Variants in GLRA2 observed in about 807,000 individuals in gnomAD.
The protein encoded by GLRA2 is glycine receptor subunit alpha-2.
Under a neutral mutation model 31.6 loss-of-function variants are expected in GLRA2, and 11 were observed. The ratio of observed to expected loss-of-function variants is 0.35; its 90% CI spans 0.22 to 0.58. GLRA2 has a LOEUF of 0.58. Ranked by LOEUF, GLRA2 falls within the 20% of genes least tolerant of loss-of-function variation. The pLI, the probability that GLRA2 is intolerant of heterozygous loss-of-function variation, is 0.84. For synonymous variants in GLRA2, 132 were observed against 134.0 expected, an observed-to-expected ratio of 0.99 and a Z score of 0.10; for missense variants, 212 against 351.8, an observed-to-expected ratio of 0.60 and a Z score of 3.18.
At chrX:14,512,268 C>A in the GLRA2 span, among the ~76,000 whole-genome samples, 1 of 111,257 alleles carries the variant, frequency 9.0e-6, no homozygotes, top group Non-Finnish European at 1.9e-5. Flanking sequence ...AAGGGACATA[C>A]CTTAAGGTAA....
Position 14,731,628 on chromosome X carries a change from G to A in GLRA2, c.*1143G>A, listed in dbSNP as rs1330199906. The A allele has an allele frequency of 5.4e-5, 6 of 110,885 alleles. No individual in the cohort carries two copies. Among genetic ancestry groups the A allele is most frequent in the African/African-American group, 2.0e-4 (6 of 30,386 alleles). The allele number at this position is 110,885 out of a possible 1,213,427, so 9.1% of individuals were successfully genotyped here. A position where few individuals can be genotyped will look rare whatever the true frequency, so the allele number is the denominator to read the frequency against. Reference sequence around the variant, plus strand: ...ATTTTCATAACCCGTTGCCTTTTTGGTACCAGAGCTACGTGGTTTGAATTC... The same window carrying A: ...ATTTTCATAACCCGTTGCCTTTTTGATACCAGAGCTACGTGGTTTGAATTC... On this transcript the variant is annotated 3_prime_UTR_variant, in exon 9 of 9. Coordinates refer to ENST00000218075, the MANE Select transcript of GLRA2 (RefSeq NM_002063.4).
At chrX:14,656,423 GAATCCTCCA>G (rs1324170029) in intron 7 of GLRA2, among the ~76,000 whole-genome samples, 1 of 111,855 alleles carries the variant, frequency 8.9e-6, no homozygotes, top group Non-Finnish European at 1.9e-5. Flanking sequence ...TATGTTTTGT[GAATCCTCCA>G]AATCATCCTT....
At chrX:14,546,980 T>C (rs867119111) in intron 2 of GLRA2, among the ~76,000 whole-genome samples, 3 of 111,662 alleles carry the variant, frequency 2.7e-5, no homozygotes, top group South Asian at 3.7e-4. Context: ...CCAGAATAAA[T>C]TATCTGCTTC....
At chrX:14,552,969 A>G (rs972567160) in intron 2 of GLRA2, among the ~76,000 whole-genome samples, 2 of 112,165 alleles carry the variant, frequency 1.8e-5, no homozygotes, top group African/African-American at 6.5e-5. Flanking sequence ...ACTGTCTATT[A>G]TCATGAGCAC....
chrX:14,657,037 C>T (rs967760687), intron 7 of GLRA2, among the ~76,000 whole-genome samples: 1 of 111,519 alleles, frequency 9.0e-6, no homozygotes, highest in Non-Finnish European at 1.9e-5. Context: ...CAGACAGCCT[C>T]CAATAATAGA....
chrX:14,711,440 G>C (rs1433516637), intron 8 of GLRA2, among the ~76,000 whole-genome samples: 1 of 112,247 alleles, frequency 8.9e-6, no homozygotes, highest in African/African-American at 3.2e-5. Flanking sequence ...TTCACATAGA[G>C]CTGAGGCGGT....
chrX:14,654,699 T>C (rs2090923058), intron 7 of GLRA2, among the ~76,000 whole-genome samples: 1 of 111,914 alleles, frequency 8.9e-6, no homozygotes, highest in Non-Finnish European at 1.9e-5. Flanking sequence ...TTGAAGGACA[T>C]GGTAGCCTGG....
chrX:14,464,816 A>G, the GLRA2 span, among the ~76,000 whole-genome samples: 1 of 111,693 alleles, frequency 9.0e-6, no homozygotes, highest in African/African-American at 3.3e-5. Context: ...CGGCCTCCCA[A>G]AGTGCTGAGA....
At chrX:14,717,520 A>G (rs1330321889) in intron 8 of GLRA2, among the ~76,000 whole-genome samples, 1 of 110,974 alleles carries the variant, frequency 9.0e-6, no homozygotes, top group Non-Finnish European at 1.9e-5. Context: ...TTCATTCACA[A>G]TCTTTACCTG....
chrX:14,580,974 G>A (rs763142755), intron 3 of GLRA2, among the ~76,000 whole-genome samples: 51 of 111,858 alleles, frequency 4.6e-4, no homozygotes, highest in African/African-American at 1.6e-3. Context: ...TTTTATTGGT[G>A]TTCTGGTTTG....
At chrX:14,534,277 A>C (rs1431434608) in intron 2 of GLRA2, among the ~76,000 whole-genome samples, 2 of 108,423 alleles carry the variant, frequency 1.8e-5, no homozygotes, top group African/African-American at 6.7e-5. Context: ...TTAATGACTT[A>C]TAAAAAAGAA....
At chrX:14,653,847 G>A (rs751124037) in intron 7 of GLRA2, among the ~76,000 whole-genome samples, 1 of 112,441 alleles carries the variant, frequency 8.9e-6, no homozygotes, top group South Asian at 3.7e-4. Flanking sequence ...ATTGCCAGCT[G>A]GGCACAGTGG....
chrX:14,668,646 CAAGAG>C (rs776559265), intron 7 of GLRA2, among the ~76,000 whole-genome samples: 7 of 112,183 alleles, frequency 6.2e-5, no homozygotes, highest in Non-Finnish European at 1.1e-4. Context: ...TGGCAGCAGA[CAAGAG>C]AAGAGAGCTT....
At chrX:14,526,296 T>C (rs1290018617), upstream of GLRA2, among the ~76,000 whole-genome samples, 1 of 112,884 alleles carries the variant, frequency 8.9e-6, no homozygotes, top group Non-Finnish European at 1.9e-5. Context: ...CCAAACCATG[T>C]GGAACCTTTA....
chrX:14,513,624 CAAAAG>C, the GLRA2 span, among the ~76,000 whole-genome samples: 1 of 111,411 alleles, frequency 9.0e-6, no homozygotes, highest in Admixed American at 9.5e-5. Context: ...AGACAATTCT[CAAAAG>C]AAGATATACA....
At chrX:14,621,973 C>G (rs768532223) in intron 7 of GLRA2, among the ~76,000 whole-genome samples, 1 of 112,170 alleles carries the variant, frequency 8.9e-6, no homozygotes, top group South Asian at 3.7e-4. Flanking sequence ...TTTACAGTCC[C>G]AACAACAGTG....
In GLRA2 at chrX:14,730,891, T is replaced by C. The variant is rs997328072; in HGVS notation, c.*406T>C. ...AATTCTGGTACTGAAAAGTTAGCTATACACACACACACACACACACACACA... is the reference window on the plus strand; with the variant it reads ...AATTCTGGTACTGAAAAGTTAGCTACACACACACACACACACACACACACA... On this transcript the variant is annotated 3_prime_UTR_variant, in exon 9 of 9. Transcript: ENST00000218075. 2.7e-4 allele frequency: 26 copies of C among 97,820 alleles called. No homozygotes were observed. The highest frequency in any genetic ancestry group is 1.1e-3 in the African/African-American group (23 of 21,866). The allele number at this position is 97,820 out of a possible 1,213,427, so 8.1% of individuals were successfully genotyped here.
chrX:14,564,370 C>T (rs1261149144), intron 2 of GLRA2, among the ~76,000 whole-genome samples: 3 of 110,274 alleles, frequency 2.7e-5, no homozygotes, highest in African/African-American at 9.9e-5. Flanking sequence ...CAAAACTGTC[C>T]TCAACAAATG....
At chrX:14,468,023 G>A in the GLRA2 span, among the ~76,000 whole-genome samples, 1 of 111,580 alleles carries the variant, frequency 9.0e-6, no homozygotes, top group Non-Finnish European at 1.9e-5. Context: ...GTGCATCAAT[G>A]TTAGGTTGAC....
Sources: allele counts gnomAD v4.1 joint callset (sites outside exome capture counted in the v4.1 genomes callset), GRCh38; gene constraint gnomAD v4.1.1; transcripts MANE v1.5; gene names NCBI Gene and HGNC (gene_info 2026-07-23, HGNC 2026-07-21).